Variants in TRERF1 observed in about 807,000 individuals in gnomAD.
TRERF1 encodes transcriptional regulating factor 1, also known as transcriptional-regulating factor 1.
TRERF1 carries 27 observed loss-of-function variants against 122.9 expected under a neutral mutation model. That is an observed-to-expected ratio of 0.22 (90% CI 0.16 to 0.30). The LOEUF is 0.30. TRERF1 is among the 10% of genes least tolerant of loss of function. TRERF1 has a pLI of 1.00. For synonymous variants in TRERF1, 636 were observed against 641.7 expected (o/e 0.99, Z 0.13); for missense variants, 1,248 against 1,560.3 (o/e 0.80, Z 3.37).
chr6:42,339,131 C>A (rs1386121708), intron 3 of TRERF1, among the ~76,000 whole-genome samples: 1 of 152,222 alleles, frequency 6.6e-6, no homozygotes, highest in Non-Finnish European at 1.5e-5. Flanking sequence ...CTTATCTATC[C>A]TTGAGGTCAC....
intron 2 of TRERF1, among the ~76,000 whole-genome samples, chr6:42,406,983 A>G (rs1780272208): frequency 6.6e-6 from 1 of 152,236 alleles, no homozygotes; most frequent in Non-Finnish European, 1.5e-5. Context: ...CCAGGGAGAC[A>G]CAGAGGTTAT....
intron 2 of TRERF1, among the ~76,000 whole-genome samples, chr6:42,370,240 A>G (rs1773522187): frequency 6.6e-6 from 1 of 152,214 alleles, no homozygotes; most frequent in African/African-American, 2.4e-5. Context: ...TACAAAATGC[A>G]TCTCTGATTT....
At chr6:42,315,706 AC>A (rs367902405) in intron 3 of TRERF1, among the ~76,000 whole-genome samples, 40,346 of 118,630 alleles carry the variant, frequency 0.34, 6,138 homozygotes, top group Admixed American at 0.46. Context: ...GAGGAACACC[AC>A]CCCCCCCCCC....
At chr6:42,433,915 C>T (rs1013943181) in intron 2 of TRERF1, among the ~76,000 whole-genome samples, 6 of 152,082 alleles carry the variant, frequency 3.9e-5, no homozygotes, top group South Asian at 4.1e-4. Context: ...GTCCCAGCTA[C>T]GGGAGGCTGA....
intron 2 of TRERF1, among the ~76,000 whole-genome samples, chr6:42,437,018 CCCATGACTT>C (rs1488720688): frequency 6.6e-6 from 1 of 151,860 alleles, no homozygotes; most frequent in Non-Finnish European, 1.5e-5. Flanking sequence ...GACTGCAGAG[CCCATGACTT>C]CCATTCCATA....
At chr6:42,238,868 C>CACACACAT (rs1554124375) in intron 15 of TRERF1, among the ~76,000 whole-genome samples, 14 of 148,122 alleles carry the variant, frequency 9.5e-5, no homozygotes, top group African/African-American at 3.6e-4. Context: ...CACACACACA[C>CACACACAT]ACAATTTCTA....
Position 42,268,784 on chromosome 6 carries a change from A to G in TRERF1, c.807T>C (p.Tyr269=). Residue 269 remains tyrosine (Y), a synonymous_variant, in exon 5 of 18, where the codon TAT becomes TAC. Coordinates refer to ENST00000372922, the Ensembl canonical transcript of TRERF1. This position sits in a 1 kb window ranked among gnomAD's most constrained non-coding sequence, Gnocchi z 4.4. ...CTTGCTGCTGTTGCTGCGGTGGGTA[A>G]TACTGGTGCTGCTGCATCTGTTGCA... is the stretch of plus-strand genomic sequence containing the variant. 1 of 1,614,112 alleles carries G rather than the reference A, an allele frequency of 6.2e-7. No homozygotes were observed. The highest frequency in any genetic ancestry group is 8.5e-7 in the Non-Finnish European group (1 of 1,180,016).
intron 4 of TRERF1, among the ~76,000 whole-genome samples, chr6:42,274,595 C>G (rs1780832255): frequency 6.6e-6 from 1 of 152,016 alleles, no homozygotes; most frequent in Non-Finnish European, 1.5e-5. Flanking sequence ...ACAAGAATCC[C>G]TTGAACTTGG....
chr6:42,256,183 C>G (rs1459853969), intron 12 of TRERF1, among the ~76,000 whole-genome samples: 2 of 148,958 alleles, frequency 1.3e-5, no homozygotes, highest in Non-Finnish European at 3.0e-5. Flanking sequence ...CAACTGTTAG[C>G]TCTGATTTTG....
At chr6:42,304,962 G>A (rs566968910) in intron 3 of TRERF1, among the ~76,000 whole-genome samples, 64 of 152,248 alleles carry the variant, frequency 4.2e-4, no homozygotes, top group African/African-American at 1.4e-3. Flanking sequence ...ACAAACAGCC[G>A]AATCCCAGAT....
intron 15 of TRERF1, among the ~76,000 whole-genome samples, chr6:42,237,334 C>T (rs1356319702): frequency 6.6e-6 from 1 of 152,128 alleles, no homozygotes; most frequent in Non-Finnish European, 1.5e-5. Context: ...CTCTCATTCT[C>T]CCCTTGCTTA....
At chr6:42,375,300 T>G (rs1315007032) in intron 2 of TRERF1, among the ~76,000 whole-genome samples, 1 of 152,290 alleles carries the variant, frequency 6.6e-6, no homozygotes, top group African/African-American at 2.4e-5. Flanking sequence ...TCCTGCAGAA[T>G]TGGATACTCC....
At chr6:42,406,931 A>G (rs1009764433) in intron 2 of TRERF1, among the ~76,000 whole-genome samples, 6 of 152,226 alleles carry the variant, frequency 3.9e-5, no homozygotes, top group Non-Finnish European at 7.3e-5. Flanking sequence ...AAAAGCACAA[A>G]GAACATTTAA....
At chr6:42,357,629 A>ACTTG (rs1770854990) in intron 3 of TRERF1, among the ~76,000 whole-genome samples, 1 of 152,200 alleles carries the variant, frequency 6.6e-6, no homozygotes, top group Non-Finnish European at 1.5e-5. Context: ...CAGGAAGGCA[A>ACTTG]CCAACTTGCT....
intron 2 of TRERF1, among the ~76,000 whole-genome samples, chr6:42,385,192 G>A (rs1776593199): frequency 6.6e-6 from 1 of 152,032 alleles, no homozygotes; most frequent in South Asian, 2.1e-4. Flanking sequence ...GTCCAGGCTG[G>A]TCTCAAACTC....
At chr6:42,335,933 T>C (rs1290659883) in intron 3 of TRERF1, among the ~76,000 whole-genome samples, 1 of 152,240 alleles carries the variant, frequency 6.6e-6, no homozygotes, top group African/African-American at 2.4e-5. Context: ...CCAGCAGAAC[T>C]TTCCACAACG....
intron 13 of TRERF1, among the ~76,000 whole-genome samples, chr6:42,250,992 C>CTTTTTTTTTTTTTTTT (rs70987586): frequency 1.0e-5 from 1 of 97,596 alleles, no homozygotes; most frequent in Non-Finnish European, 2.0e-5. Flanking sequence ...TCTTTTGCTT[C>CTTTTTTTTTTTTTTTT]TTTTTTTTTT....
intron 4 of TRERF1, among the ~76,000 whole-genome samples, chr6:42,294,184 T>C (rs1208409491): frequency 6.7e-6 from 1 of 148,500 alleles, no homozygotes; most frequent in Non-Finnish European, 1.5e-5. Context: ...AATGTAATTT[T>C]TTTTTTTTTT....
chr6:42,410,796 A>T (rs1781000705), intron 2 of TRERF1, among the ~76,000 whole-genome samples: 1 of 152,242 alleles, frequency 6.6e-6, no homozygotes, highest in South Asian at 2.1e-4. Flanking sequence ...TGTGCAATAA[A>T]CATTTCCTAG....
Sources: allele counts gnomAD v4.1 joint callset (sites outside exome capture counted in the v4.1 genomes callset), GRCh38; gene constraint gnomAD v4.1.1; non-coding constraint Gnocchi (gnomAD v3.1); transcripts MANE v1.5; gene names NCBI Gene and HGNC (gene_info 2026-07-23, HGNC 2026-07-21).